OPCML: variants seen among roughly 807,000 people sequenced by gnomAD.
OPCML encodes the protein opioid-binding protein/cell adhesion molecule.
Under a neutral mutation model 37.8 loss-of-function variants are expected in OPCML, and 13 were observed. That is an observed-to-expected ratio of 0.34 (90% confidence interval 0.22 to 0.55). The LOEUF (loss-of-function observed/expected upper bound fraction) is 0.55, where lower values mean the gene tolerates loss of function less well. OPCML is among the 20% of genes least tolerant of loss of function. OPCML has a pLI of 0.91. For synonymous variants in OPCML, 176 were observed against 168.8 expected, an observed-to-expected ratio of 1.04 and a Z score of -0.33; for missense variants, 341 against 435.6, an observed-to-expected ratio of 0.78 and a Z score of 1.93.
intron 2 of OPCML, among the ~76,000 whole-genome samples, chr11:132,694,072 A>C (rs1591739125): frequency 6.6e-6 from 1 of 151,352 alleles, no homozygotes; most frequent in Middle Eastern, 3.5e-3. Flanking sequence ...TCTTCCTAAA[A>C]CCTCTCACAG....
intron 1 of OPCML, among the ~76,000 whole-genome samples, chr11:133,499,549 G>A (rs1329095170): frequency 6.6e-6 from 1 of 151,938 alleles, no homozygotes; most frequent in Non-Finnish European, 1.5e-5. Context: ...CATGCTTTGA[G>A]ATTTTGAGGC....
In OPCML at chr11:132,982,466, G is replaced by A. The variant is rs187158525; in HGVS notation, c.62-39456C>T. 2.5e-3 allele frequency among the ~76,000 whole-genome samples: 383 copies of A among 150,802 alleles called. 2 individuals are homozygous for A. The highest frequency in any genetic ancestry group is 9.1e-3 in the African/African-American group (371 of 40,972). On this transcript the variant is annotated intron_variant, in intron 1 of 7. Coordinates refer to ENST00000524381, the MANE Select transcript of OPCML (RefSeq NM_001012393.5). ...CATAATTCCTTCACAATAGGAATTC[G>A]TTGGACAAGACAAGAAAGTAAAAAA...
At chr11:132,673,204 C>T (rs576656115) in intron 2 of OPCML, among the ~76,000 whole-genome samples, 5 of 152,230 alleles carry the variant, frequency 3.3e-5, no homozygotes, top group South Asian at 2.1e-4. Context: ...AGTTAATGTC[C>T]GCTCATGACT....
chr11:133,289,511 C>T (rs1039791415), intron 1 of OPCML, among the ~76,000 whole-genome samples: 4 of 143,580 alleles, frequency 2.8e-5, no homozygotes, highest in African/African-American at 5.2e-5. Flanking sequence ...AGGAGAATGG[C>T]GTGAACCCGG....
At chr11:132,997,896 C>G (rs919741959) in intron 1 of OPCML, among the ~76,000 whole-genome samples, 47 of 152,150 alleles carry the variant, frequency 3.1e-4, no homozygotes, top group African/African-American at 1.1e-3. Context: ...TCATTAAAGC[C>G]AGGTCTTCCC....
intron 2 of OPCML, among the ~76,000 whole-genome samples, chr11:132,858,491 G>A (rs1259793921): frequency 6.6e-6 from 1 of 152,186 alleles, no homozygotes; most frequent in East Asian, 1.9e-4. Flanking sequence ...AACTAGCTAA[G>A]GGCAATGGGA....
chr11:133,429,006 G>T (rs761427833), intron 1 of OPCML, among the ~76,000 whole-genome samples: 1 of 152,222 alleles, frequency 6.6e-6, no homozygotes, highest in Non-Finnish European at 1.5e-5. Context: ...TCAGTGCAAA[G>T]AGATGAAATG....
intron 1 of OPCML, among the ~76,000 whole-genome samples, chr11:133,527,294 T>C (rs1948509975): frequency 6.6e-6 from 1 of 152,214 alleles, no homozygotes; most frequent in African/African-American, 2.4e-5. Flanking sequence ...TGCCTTAGTT[T>C]TCTACAGCAG....
intron 2 of OPCML, among the ~76,000 whole-genome samples, chr11:132,773,618 C>G (rs371179672): frequency 6.6e-6 from 1 of 152,186 alleles, no homozygotes; most frequent in Non-Finnish European, 1.5e-5. Flanking sequence ...AGCTTTGTAT[C>G]GAAAACTGTG....
At chr11:132,446,798 G>C (rs1290791448) in intron 4 of OPCML, among the ~76,000 whole-genome samples, 2 of 151,974 alleles carry the variant, frequency 1.3e-5, no homozygotes, top group African/African-American at 2.4e-5. Flanking sequence ...TTAGAAACCT[G>C]ATCAATGCAT....
chr11:132,518,547 T>C (rs1224814712), intron 4 of OPCML, among the ~76,000 whole-genome samples: 1 of 152,156 alleles, frequency 6.6e-6, no homozygotes, highest in East Asian at 1.9e-4. Context: ...GGATGTGCTG[T>C]TCCCTGCCTT....
chr11:132,430,413 G>A (rs1401468167), intron 7 of OPCML, among the ~76,000 whole-genome samples: 1 of 152,196 alleles, frequency 6.6e-6, no homozygotes, highest in Non-Finnish European at 1.5e-5. Context: ...TGCAGGCTCT[G>A]GCAGAAGGAA....
At chr11:132,828,294 G>A (rs1031199489) in intron 2 of OPCML, among the ~76,000 whole-genome samples, 13 of 152,176 alleles carry the variant, frequency 8.5e-5, no homozygotes, top group South Asian at 2.1e-4. Context: ...ATAACCACCC[G>A]GTATGATACT....
At chr11:132,575,062 G>A (rs1464157558) in intron 3 of OPCML, among the ~76,000 whole-genome samples, 2 of 151,928 alleles carry the variant, frequency 1.3e-5, no homozygotes, top group Non-Finnish European at 1.5e-5. Context: ...TCTCATGTAA[G>A]TATAACCACT....
chr11:133,253,943 G>A, intron 1 of OPCML, among the ~76,000 whole-genome samples: 1 of 131,210 alleles, frequency 7.6e-6, no homozygotes, highest in Non-Finnish European at 1.6e-5. Flanking sequence ...CTTCCTTCTT[G>A]TTTCTGCAAA....
intron 3 of OPCML, among the ~76,000 whole-genome samples, chr11:132,551,221 G>A (rs79969752): frequency 0.018 from 2,804 of 152,278 alleles, 67 homozygotes; most frequent in African/African-American, 0.059. Context: ...GCCAGACCAC[G>A]TACGCTAGAA....
intron 1 of OPCML, among the ~76,000 whole-genome samples, chr11:133,306,189 T>C (rs143564352): frequency 9.2e-5 from 14 of 152,242 alleles, no homozygotes; most frequent in Middle Eastern, 3.4e-3. Flanking sequence ...AAATCATGAG[T>C]GCAGCCCAGC....
At chr11:133,244,555 A>T (rs77733049) in intron 1 of OPCML, among the ~76,000 whole-genome samples, 1 of 152,144 alleles carries the variant, frequency 6.6e-6, no homozygotes, top group Non-Finnish European at 1.5e-5. Flanking sequence ...ATGTCGAATT[A>T]TAATCTCCAG....
intron 4 of OPCML, among the ~76,000 whole-genome samples, chr11:132,504,744 C>T (rs1443401208): frequency 1.3e-5 from 2 of 151,964 alleles, no homozygotes; most frequent in Non-Finnish European, 1.5e-5. Context: ...ACAGGGTAAG[C>T]GTGGCCTTTA....
Sources: gnomAD v4.1 joint callset for allele counts (sites outside exome capture counted in the v4.1 genomes callset) on GRCh38, gnomAD v4.1.1 for gene constraint, MANE v1.5 for transcripts, NCBI Gene and HGNC (gene_info 2026-07-23, HGNC 2026-07-21) for gene names.